The following PLEKHA1 variants were observed in gnomAD, a reference collection of about 807,000 sequenced individuals.
PLEKHA1 encodes the protein pleckstrin homology domain-containing family A member 1.
PLEKHA1 carries 34 observed loss-of-function variants against 52.0 expected under a neutral mutation model. The observed-to-expected ratio is 0.65, with a 90% CI of 0.50 to 0.87. PLEKHA1 has a LOEUF of 0.87. Ranked by LOEUF, PLEKHA1 falls within the 40% of genes least tolerant of loss-of-function variation. The probability of loss-of-function intolerance (pLI) is 0.00; values close to 1 mark genes in which losing one functional copy is unlikely to be tolerated. For missense variants in PLEKHA1, 497 were observed against 504.2 expected (o/e 0.99, Z 0.14); for synonymous variants, 163 against 170.7 (o/e 0.95, Z 0.35).
Position 122,430,016 on chromosome 10 carries a change from G to A in PLEKHA1, c.*78G>A. The A allele has an allele frequency of 2.0e-6, 3 of 1,470,228 alleles. No individual in the cohort carries two copies. The highest frequency in any genetic ancestry group is 2.8e-5 in the African/African-American group (2 of 70,860). 91.1% of individuals were successfully genotyped at this position (1,470,228 alleles called of 1,614,324 possible). Reference sequence around the variant, plus strand: ...GAGGCTTCTAGCCAAAGATGATAAAGGGGGAAATGGTTTTTAGTGCGTATA... The same window carrying A: ...GAGGCTTCTAGCCAAAGATGATAAAAGGGGAAATGGTTTTTAGTGCGTATA... On this transcript the variant is annotated 3_prime_UTR_variant, in exon 12 of 12. Transcript: ENST00000368990.
At chr10:122,428,051 T>G (rs1287364784) in intron 11 of PLEKHA1, among the ~76,000 whole-genome samples, 1 of 152,254 alleles carries the variant, frequency 6.6e-6, no homozygotes, top group Non-Finnish European at 1.5e-5. Flanking sequence ...GTTCATTTTG[T>G]AACTGCCTGT....
intron 10 of PLEKHA1, 41 bp downstream of exon 10, chr10:122,425,000 G>T (rs377053722): frequency 1.4e-4 from 217 of 1,512,710 alleles, no homozygotes; most frequent in Non-Finnish European, 1.9e-4. Context: ...CTCCTAAAAA[G>T]AAATTAATAA....
chr10:122,427,623 G>A (rs924867470), intron 11 of PLEKHA1, among the ~76,000 whole-genome samples: 1 of 152,094 alleles, frequency 6.6e-6, no homozygotes, highest in African/African-American at 2.4e-5. Context: ...AATTATCTTT[G>A]TGGTAGTATG....
intron 4 of PLEKHA1, among the ~76,000 whole-genome samples, chr10:122,404,924 A>G (rs535969682): frequency 6.6e-6 from 1 of 152,334 alleles, no homozygotes; most frequent in African/African-American, 2.4e-5. Flanking sequence ...ACTGTGTGCT[A>G]GTATATCTTT....
chr10:122,384,189 C>T (rs1226005953), intron 1 of PLEKHA1, among the ~76,000 whole-genome samples: 1 of 151,972 alleles, frequency 6.6e-6, no homozygotes, highest in African/African-American at 2.4e-5. Flanking sequence ...GATATATTTC[C>T]CTTAACATTT....
chr10:122,378,739 CAA>C (rs5788545), intron 1 of PLEKHA1, among the ~76,000 whole-genome samples: 300 of 101,798 alleles, frequency 2.9e-3, no homozygotes, highest in African/African-American at 0.01. Context: ...ACCCTGTCTC[CAA>C]AAAAAAAAAA....
chr10:122,398,342 G>C (rs11200609), intron 3 of PLEKHA1, among the ~76,000 whole-genome samples: 72,371 of 151,684 alleles, frequency 0.48, 17,870 homozygotes, highest in East Asian at 0.62. Flanking sequence ...CATTGTCTTT[G>C]ATACTTTGTT....
intron 4 of PLEKHA1, among the ~76,000 whole-genome samples, chr10:122,403,293 T>G (rs982091396): frequency 6.6e-6 from 1 of 152,022 alleles, no homozygotes; most frequent in Non-Finnish European, 1.5e-5. Context: ...CAGAGGAAAG[T>G]ACAGAATAGA....
chr10:122,436,256 T>C (rs2097437155), downstream of PLEKHA1: 1 of 152,224 alleles, frequency 6.6e-6, no homozygotes, highest in African/African-American at 2.4e-5. Flanking sequence ...ATTCAGTCTG[T>C]TTTCAACATT....
intron 5 of PLEKHA1, chr10:122,412,078 C>T (rs2097113368): frequency 6.6e-6 from 1 of 152,184 alleles, no homozygotes; most frequent in East Asian, 1.9e-4. Context: ...AACTGAGTAC[C>T]TTATTTACTG....
chr10:122,382,991 A>T (rs1432560528), intron 1 of PLEKHA1, among the ~76,000 whole-genome samples: 1 of 152,218 alleles, frequency 6.6e-6, no homozygotes, highest in African/African-American at 2.4e-5. Flanking sequence ...CCTTCTTGCC[A>T]GCAATGTAAG....
At chr10:122,424,849 C>G in intron 9 of PLEKHA1, 47 bp from the exon 10 acceptor site, 1 of 1,513,838 alleles carries the variant, frequency 6.6e-7, no homozygotes, top group Non-Finnish European at 9.1e-7. Context: ...GAAAGAGAAA[C>G]TCAAACAACT....
intron 2 of PLEKHA1, among the ~76,000 whole-genome samples, chr10:122,396,451 A>G (rs950078794): frequency 5.9e-5 from 9 of 152,110 alleles, no homozygotes; most frequent in Admixed American, 3.9e-4. Context: ...CATATTTACT[A>G]TTGATGATTT....
chr10:122,376,647 T>C (rs889362027), intron 1 of PLEKHA1, among the ~76,000 whole-genome samples: 1 of 152,098 alleles, frequency 6.6e-6, no homozygotes, highest in African/African-American at 2.4e-5. Flanking sequence ...AGCAGGTTTG[T>C]ATCTTTTTTT....
intron 2 of PLEKHA1, among the ~76,000 whole-genome samples, chr10:122,394,133 G>A (rs554388459): frequency 4.4e-5 from 6 of 137,800 alleles, no homozygotes; most frequent in South Asian, 4.7e-4. Context: ...GGAATGCAGC[G>A]GTATGATTTT....
chr10:122,417,418 G>A (rs1328915913), intron 7 of PLEKHA1, among the ~76,000 whole-genome samples: 1 of 152,002 alleles, frequency 6.6e-6, no homozygotes, highest in African/African-American at 2.4e-5. Flanking sequence ...GGAGGCCAAG[G>A]TGGGCGGATC....
intron 1 of PLEKHA1, among the ~76,000 whole-genome samples, chr10:122,378,412 A>G (rs2096567875): frequency 1.4e-5 from 2 of 138,876 alleles, no homozygotes; most frequent in African/African-American, 5.2e-5. Flanking sequence ...ATCATGGGTA[A>G]ATGATAGCTT....
intron 1 of PLEKHA1, among the ~76,000 whole-genome samples, chr10:122,382,487 C>G (rs1457834921): frequency 6.6e-6 from 1 of 152,188 alleles, no homozygotes; most frequent in African/African-American, 2.4e-5. Flanking sequence ...TGTAAAGATA[C>G]ATTTCCTGTT....
intron 4 of PLEKHA1, among the ~76,000 whole-genome samples, chr10:122,403,658 C>A (rs550223688): frequency 6.6e-6 from 1 of 151,512 alleles, no homozygotes; most frequent in Non-Finnish European, 1.5e-5. Context: ...CCCTCACCAC[C>A]AATATTGCTA....
Sources: allele counts gnomAD v4.1 joint callset (sites outside exome capture counted in the v4.1 genomes callset), GRCh38; gene constraint gnomAD v4.1.1; transcripts MANE v1.5; gene names NCBI Gene and HGNC (gene_info 2026-07-23, HGNC 2026-07-21).